The following NPAS3 variants were observed in gnomAD, a reference collection of about 807,000 sequenced individuals.
The protein encoded by NPAS3 is neuronal PAS domain protein 3, also known as neuronal PAS domain-containing protein 3.
In NPAS3, 14 loss-of-function variants were observed where a neutral mutation model predicts 73.1. The observed-to-expected ratio is 0.19, with a 90% confidence interval of 0.13 to 0.30. The LOEUF is 0.30. NPAS3 is among the 10% of genes least tolerant of loss of function. The pLI is 1.00. For synonymous variants in NPAS3, 620 were observed against 541.5 expected (o/e 1.14, Z -2.01); for missense variants, 1,096 against 1,250.0 (o/e 0.88, Z 1.86).
At chr14:33,699,754 A>T (rs867229149) in intron 6 of NPAS3, among the ~76,000 whole-genome samples, 12 of 152,114 alleles carry the variant, frequency 7.9e-5, no homozygotes, top group Middle Eastern at 6.8e-3. Context: ...ATTTTTTTTT[A>T]AATGTAGAAG....
chr14:32,996,954 C>T (rs559492731), intron 1 of NPAS3, among the ~76,000 whole-genome samples: 1 of 152,214 alleles, frequency 6.6e-6, no homozygotes, highest in South Asian at 2.1e-4. Flanking sequence ...CGGGAAAAGC[C>T]ACAGACACTC....
chr14:33,156,884 T>C (rs912011712), intron 2 of NPAS3, among the ~76,000 whole-genome samples: 1 of 152,194 alleles, frequency 6.6e-6, no homozygotes, highest in Non-Finnish European at 1.5e-5. Context: ...CTCAGTAATA[T>C]GCAGTTATGG....
chr14:33,548,121 C>T (rs903418555), intron 4 of NPAS3, among the ~76,000 whole-genome samples: 7 of 152,306 alleles, frequency 4.6e-5, no homozygotes, highest in East Asian at 1.9e-4. Flanking sequence ...GTTGGGAATT[C>T]GGATGCCTTT....
At chr14:33,178,667 T>A (rs921124164) in intron 2 of NPAS3, among the ~76,000 whole-genome samples, 1 of 152,218 alleles carries the variant, frequency 6.6e-6, no homozygotes, top group South Asian at 2.1e-4. Context: ...TGTCTGTAGA[T>A]CTTGTAACCC....
At chr14:33,701,923 G>GGCA (rs2060533881) in intron 6 of NPAS3, among the ~76,000 whole-genome samples, 4 of 152,118 alleles carry the variant, frequency 2.6e-5, no homozygotes, top group Non-Finnish European at 5.9e-5. Flanking sequence ...CTGCCCTCAG[G>GGCA]GATCTTACAA....
chr14:33,438,804 C>T (rs577527273), intron 4 of NPAS3, among the ~76,000 whole-genome samples: 28 of 152,080 alleles, frequency 1.8e-4, no homozygotes, highest in Non-Finnish European at 3.5e-4. Flanking sequence ...AAATTTTCCA[C>T]GTTGGTTAAT....
rs138187811 is a variant in NPAS3 at position 33,120,059 on chromosome 14, A to G, written c.140+64065A>G. Among the ~76,000 whole-genome samples, 1,044 of 151,938 alleles carry G rather than the reference A, an allele frequency of 6.9e-3. 6 individuals are homozygous for G. Among genetic ancestry groups the G allele is most frequent in the Middle Eastern group, 0.041 (12 of 294 alleles). ...TTGCTCTGTCACCCAGGTTGGGTTC[A>G]AGTGATTCTCCCTGTCTCAGCCTCC... is the stretch of plus-strand genomic sequence containing the variant. On this transcript the variant is annotated intron_variant, in intron 2 of 11. Transcript: ENST00000356141.
intron 5 of NPAS3, chr14:33,560,427 A>C: frequency 2.4e-6 from 1 of 413,528 alleles, no homozygotes; most frequent in Admixed American, 3.9e-5. Context: ...TCCGCTCCCC[A>C]CCCCCCAAGG....
intron 2 of NPAS3, among the ~76,000 whole-genome samples, chr14:33,143,411 G>A (rs546614777): frequency 5.8e-4 from 88 of 151,268 alleles, no homozygotes; most frequent in African/African-American, 2.1e-3. Flanking sequence ...GAATCGCTTG[G>A]TCCCGGGAGG....
chr14:33,506,745 G>A (rs1271991157), intron 4 of NPAS3, among the ~76,000 whole-genome samples: 1 of 151,962 alleles, frequency 6.6e-6, no homozygotes, highest in Non-Finnish European at 1.5e-5. Context: ...ATCTTGTTGT[G>A]CATATCACAA....
chr14:33,161,743 T>C (rs1352982687), intron 2 of NPAS3, among the ~76,000 whole-genome samples: 1 of 152,256 alleles, frequency 6.6e-6, no homozygotes, highest in African/African-American at 2.4e-5. Context: ...CCATTTGCTC[T>C]GTCCTGGAGG....
chr14:33,641,525 G>A (rs2140183893), intron 5 of NPAS3, among the ~76,000 whole-genome samples: 2 of 152,246 alleles, frequency 1.3e-5, no homozygotes, highest in Middle Eastern at 6.8e-3. Context: ...ACCACTAGGG[G>A]CTAGGGGGTG....
intron 4 of NPAS3, among the ~76,000 whole-genome samples, chr14:33,525,219 T>C (rs981607332): frequency 1.3e-5 from 2 of 152,214 alleles, no homozygotes; most frequent in Non-Finnish European, 2.9e-5. Context: ...TAGAAGATCA[T>C]GAGAATCTCA....
chr14:33,338,662 T>A (rs1368330709), intron 3 of NPAS3, among the ~76,000 whole-genome samples: 1 of 152,216 alleles, frequency 6.6e-6, no homozygotes, highest in Non-Finnish European at 1.5e-5. Context: ...TTATACTGCA[T>A]TATTAAAGAC....
chr14:33,648,422 C>T (rs1019540453), intron 5 of NPAS3, among the ~76,000 whole-genome samples: 2 of 152,142 alleles, frequency 1.3e-5, no homozygotes, highest in African/African-American at 4.8e-5. Flanking sequence ...CATCCCTAAC[C>T]TATTTAATGT....
chr14:33,629,899 C>A (rs1259491464), intron 5 of NPAS3, among the ~76,000 whole-genome samples: 1 of 152,152 alleles, frequency 6.6e-6, no homozygotes, highest in African/African-American at 2.4e-5. Context: ...TTTCTTTGTG[C>A]AATGAGCCAG....
chr14:33,142,386 C>G (rs1052681414), intron 2 of NPAS3, among the ~76,000 whole-genome samples: 1 of 151,912 alleles, frequency 6.6e-6, no homozygotes, highest in African/African-American at 2.4e-5. Flanking sequence ...GATGCTAGCT[C>G]TTAGTACAGT....
intron 6 of NPAS3, among the ~76,000 whole-genome samples, chr14:33,690,783 C>T (rs74042376): frequency 2.5e-4 from 38 of 150,378 alleles, no homozygotes; most frequent in East Asian, 1.8e-3. Context: ...TACTCCACTG[C>T]ATATTTGATT....
chr14:33,560,334 C>A, intron 5 of NPAS3, 124 bp downstream of exon 5: 1 of 524,320 alleles, frequency 1.9e-6, no homozygotes. Context: ...AATGGCTTTA[C>A]CTGACTGTTC....
Sources: allele counts gnomAD v4.1 joint callset (sites outside exome capture counted in the v4.1 genomes callset), GRCh38; gene constraint gnomAD v4.1.1; transcripts MANE v1.5; gene names NCBI Gene and HGNC (gene_info 2026-07-23, HGNC 2026-07-21).